Variants in WDR37 observed in about 807,000 individuals in gnomAD.
WDR37 encodes WD repeat-containing protein 37.
WDR37 carries 19 observed loss-of-function variants against 62.9 expected under a neutral mutation model. The observed-to-expected ratio is 0.30, with a 90% CI of 0.21 to 0.44. The LOEUF (loss-of-function observed/expected upper bound fraction) is 0.44, where lower values mean the gene tolerates loss of function less well. Ranked by LOEUF, WDR37 falls within the 20% of genes least tolerant of loss-of-function variation. The pLI, the probability that WDR37 is intolerant of heterozygous loss-of-function variation, is 1.00. For synonymous variants in WDR37, 250 were observed against 260.9 expected, an observed-to-expected ratio of 0.96 and a Z score of 0.40; for missense variants, 474 against 657.6, an observed-to-expected ratio of 0.72 and a Z score of 3.05.
chr10:1,066,147 G>A (rs764762304), intron 1 of WDR37, among the ~76,000 whole-genome samples: 9 of 151,916 alleles, frequency 5.9e-5, no homozygotes, highest in Non-Finnish European at 1.0e-4. Context: ...ACGGAGTCTT[G>A]CTCTGTCACC....
chr10:1,109,016 G>A (rs1289463635), intron 11 of WDR37, among the ~76,000 whole-genome samples: 3 of 152,206 alleles, frequency 2.0e-5, no homozygotes, highest in Non-Finnish European at 2.9e-5. Flanking sequence ...TGGAAAGGCC[G>A]AAGAATTCTG....
intron 11 of WDR37, among the ~76,000 whole-genome samples, chr10:1,118,058 C>A (rs573360286): frequency 3.0e-4 from 6 of 20,120 alleles, no homozygotes; most frequent in Non-Finnish European, 6.6e-4. Context: ...TCAGCCAGCT[C>A]TGTTTGAAGT....
rs148057729 is a variant in WDR37, at chr10:1,104,695, C to T, written c.962-431C>T. ...CGGGGTGGGGGTGGCTTGGGGCCAT[C>T]TTGGGATGCTGCCTGCTGAAGTTGC... On this transcript the variant is annotated intron_variant, in intron 10 of 13. Transcript: ENST00000263150. Among the ~76,000 whole-genome samples the T allele has an allele frequency of 3.2e-3, 480 of 152,258 alleles. 3 individuals are homozygous for T. The highest frequency in any genetic ancestry group is 0.01 in the African/African-American group (432 of 41,544).
intron 2 of WDR37, among the ~76,000 whole-genome samples, chr10:1,076,890 C>T (rs1833895145): frequency 6.7e-6 from 1 of 150,074 alleles, no homozygotes; most frequent in Non-Finnish European, 1.5e-5. Context: ...GTCCCAGCTA[C>T]TGGGGAGGCT....
At chr10:1,123,276 T>C (rs926152675) in intron 11 of WDR37, among the ~76,000 whole-genome samples, 1 of 152,276 alleles carries the variant, frequency 6.6e-6, no homozygotes, top group African/African-American at 2.4e-5. Flanking sequence ...ATACATAATA[T>C]GAAACTTACT....
chr10:1,123,712 G>T (rs1835656503), intron 11 of WDR37: 1 of 152,708 alleles, frequency 6.5e-6, no homozygotes. Context: ...GGAAAATGTT[G>T]ATCCAAGTCC....
intron 7 of WDR37, among the ~76,000 whole-genome samples, chr10:1,088,083 G>A (rs1289978835): frequency 1.3e-5 from 2 of 151,988 alleles, no homozygotes; most frequent in Non-Finnish European, 2.9e-5. Context: ...CTTTTCTTCC[G>A]CAGCTCCCTC....
At chr10:1,111,862 G>A (rs552312860) in intron 11 of WDR37, among the ~76,000 whole-genome samples, 17 of 151,768 alleles carry the variant, frequency 1.1e-4, no homozygotes, top group African/African-American at 3.9e-4. Flanking sequence ...AAATTTCAGT[G>A]TGTCACAGGA....
chr10:1,125,773 C>T (rs758077280), intron 13 of WDR37, among the ~76,000 whole-genome samples: 7 of 152,274 alleles, frequency 4.6e-5, no homozygotes, highest in South Asian at 2.1e-4. Flanking sequence ...CAGAAGAACA[C>T]GTTTCTATGG....
Position 1,069,389 on chromosome 10 carries a change from A to ATATATATATATTTTTTTTTTTT in WDR37, c.-40-2726_-40-2725insATATATATATTTTTTTTTTTTT. ...GGAAAGAATATATATATATATATAT[A>ATATATATATATTTTTTTTTTTT]TTTTTTTTTTTTTTTTTTGCAGCAG... On this transcript the variant is annotated intron_variant, in intron 1 of 13. Coordinates refer to ENST00000263150, the MANE Select transcript of WDR37 (RefSeq NM_014023.4). Among the ~76,000 whole-genome samples the ATATATATATATTTTTTTTTTTT allele has an allele frequency of 6.3e-5, 6 of 95,804 alleles. 1 individual carries two copies. The highest frequency in any genetic ancestry group is 2.8e-4 in the African/African-American group (6 of 21,334). 62.9% of individuals were successfully genotyped at this position (95,804 alleles called of 152,430 possible). A position where few individuals can be genotyped will look rare whatever the true frequency, so the allele number is the denominator to read the frequency against.
At chr10:1,086,480 G>C (rs747630348) in intron 7 of WDR37, 123 bp downstream of exon 7, 1 of 712,112 alleles carries the variant, frequency 1.4e-6, no homozygotes. Flanking sequence ...GGTTGTCAGG[G>C]GACAGTGTGG....
At chr10:1,085,280 C>G (rs1476256030) in intron 6 of WDR37, among the ~76,000 whole-genome samples, 1 of 152,104 alleles carries the variant, frequency 6.6e-6, no homozygotes, top group Non-Finnish European at 1.5e-5. Flanking sequence ...CCCTCTTTTT[C>G]TTATCCACAG....
At chr10:1,122,392 C>T (rs964140765) in intron 11 of WDR37, among the ~76,000 whole-genome samples, 11 of 152,148 alleles carry the variant, frequency 7.2e-5, no homozygotes, top group African/African-American at 2.7e-4. Flanking sequence ...CCCTGGGAGA[C>T]AGTGTAGGGG....
At chr10:1,096,296 A>C in intron 9 of WDR37, 50 bp downstream of exon 9, 2 of 1,575,896 alleles carry the variant, frequency 1.3e-6, no homozygotes, top group South Asian at 1.1e-5. Flanking sequence ...ATGTCTGCGA[A>C]TCTGAGAATC....
chr10:1,095,550 G>A (rs1834547083), intron 8 of WDR37, among the ~76,000 whole-genome samples: 2 of 152,204 alleles, frequency 1.3e-5, no homozygotes, highest in South Asian at 4.1e-4. Context: ...GAAGCTGGGT[G>A]GCAGTGAAGA....
intron 11 of WDR37, among the ~76,000 whole-genome samples, chr10:1,111,703 G>A (rs989996576): frequency 1.3e-5 from 2 of 152,202 alleles, no homozygotes; most frequent in Non-Finnish European, 2.9e-5. Flanking sequence ...CTTAGTTGGC[G>A]TAACTGTGTG....
chr10:1,067,618 C>G (rs1343089940), intron 1 of WDR37, among the ~76,000 whole-genome samples: 2 of 152,036 alleles, frequency 1.3e-5, no homozygotes, highest in Non-Finnish European at 2.9e-5. Context: ...GAAGAGACAC[C>G]TCACTGAAGA....
At chr10:1,128,461 G>A (rs1835867772) in intron 13 of WDR37, among the ~76,000 whole-genome samples, 1 of 152,244 alleles carries the variant, frequency 6.6e-6, no homozygotes. Context: ...TGGAATTGCT[G>A]AAGATGGCAG....
chr10:1,077,890 A>G lies in WDR37; in HGVS notation c.139-17A>G, dbSNP rs751150803. ...TTTCATTCATTCATTCATTTTAAAC[A>G]AAGTCTTCTTCTGCAGGATTCTAAA... On this transcript the variant is annotated splice_polypyrimidine_tract_variant and intron_variant, in intron 2 of 13. Transcript: ENST00000263150. The G allele has an allele frequency of 1.9e-6, 3 of 1,591,268 alleles. No homozygotes were observed. The African/African-American group carries it at 4.0e-5, about 21-fold the overall frequency.
Sources: gnomAD v4.1 joint callset for allele counts (sites outside exome capture counted in the v4.1 genomes callset) on GRCh38, gnomAD v4.1.1 for gene constraint, MANE v1.5 for transcripts, NCBI Gene and HGNC (gene_info 2026-07-23, HGNC 2026-07-21) for gene names.